HAPLN1: variants seen among roughly 807,000 people sequenced by gnomAD.
HAPLN1 encodes the protein hyaluronan and proteoglycan link protein 1, also known as Cartilage link protein.
HAPLN1 carries 13 observed loss-of-function variants against 36.5 expected under a neutral mutation model. The ratio of observed to expected loss-of-function variants is 0.36; its 90% CI spans 0.23 to 0.57. The LOEUF (loss-of-function observed/expected upper bound fraction) is 0.57, where lower values mean the gene tolerates loss of function less well. HAPLN1 is among the 20% of genes least tolerant of loss of function. HAPLN1 has a pLI of 0.83. For synonymous variants in HAPLN1, 202 were observed against 169.8 expected, an observed-to-expected ratio of 1.19 and a Z score of -1.48; for missense variants, 407 against 439.7, an observed-to-expected ratio of 0.93 and a Z score of 0.66.
rs143718340 is a variant in HAPLN1 at position 83,654,434 on chromosome 5, C to T, written c.101-1610G>A. Among the ~76,000 whole-genome samples, 1,011 of 152,188 alleles carry T rather than the reference C, an allele frequency of 6.6e-3. 14 individuals carry two copies. Among genetic ancestry groups the T allele is most frequent in the African/African-American group, 0.023 (963 of 41,502 alleles). ...AAAACATAACTCTATGTAATTCTAC[C>T]CTACATATAAGTTTTTCCTTACAAT... On this transcript the variant is annotated intron_variant, in intron 2 of 4. Coordinates refer to ENST00000274341, the MANE Select transcript of HAPLN1 (RefSeq NM_001884.4).
intron 2 of HAPLN1, among the ~76,000 whole-genome samples, chr5:83,656,181 A>G (rs759898437): frequency 5.3e-5 from 8 of 151,962 alleles, no homozygotes; most frequent in Non-Finnish European, 1.2e-4. Flanking sequence ...TACAAAAATT[A>G]GACAGGCATG....
intron 1 of HAPLN1, among the ~76,000 whole-genome samples, chr5:83,681,296 C>T (rs1580146386): frequency 6.6e-6 from 1 of 152,026 alleles, no homozygotes; most frequent in Non-Finnish European, 1.5e-5. Flanking sequence ...TAGAAGGAAC[C>T]TAAACGGAGG....
intron 2 of HAPLN1, among the ~76,000 whole-genome samples, chr5:83,666,505 A>G (rs181646412): frequency 2.0e-5 from 3 of 152,268 alleles, no homozygotes; most frequent in African/African-American, 7.2e-5. Context: ...TGCAAAGATT[A>G]TTCAATATAA....
intron 1 of HAPLN1, among the ~76,000 whole-genome samples, chr5:83,695,525 A>G (rs1018758873): frequency 4.7e-5 from 7 of 150,502 alleles, no homozygotes; most frequent in Non-Finnish European, 7.4e-5. Flanking sequence ...ATATATATAT[A>G]CATATTTAGT....
intron 1 of HAPLN1, among the ~76,000 whole-genome samples, chr5:83,685,374 C>A (rs976091929): frequency 2.0e-5 from 3 of 152,170 alleles, no homozygotes; most frequent in Non-Finnish European, 4.4e-5. Context: ...CAGTATACAA[C>A]CTGCACAACC....
chr5:83,691,243 G>A (rs1214041092), intron 1 of HAPLN1, among the ~76,000 whole-genome samples: 1 of 151,966 alleles, frequency 6.6e-6, no homozygotes, highest in Non-Finnish European at 1.5e-5. Flanking sequence ...GGTTCCTAGA[G>A]GTTGCAAGGC....
At chr5:83,655,905 T>C (rs964927577) in intron 2 of HAPLN1, among the ~76,000 whole-genome samples, 41 of 151,898 alleles carry the variant, frequency 2.7e-4, no homozygotes, top group Non-Finnish European at 5.3e-4. Context: ...ATGAAAGGAG[T>C]GAAGACAGAG....
intron 1 of HAPLN1, among the ~76,000 whole-genome samples, chr5:83,718,118 G>A (rs1186745297): frequency 6.6e-6 from 1 of 152,184 alleles, no homozygotes; most frequent in Non-Finnish European, 1.5e-5. Flanking sequence ...TATTAGAAGT[G>A]AGTTGCAGTT....
chr5:83,693,015 C>G (rs1751315724), intron 1 of HAPLN1, among the ~76,000 whole-genome samples: 1 of 151,768 alleles, frequency 6.6e-6, no homozygotes, highest in Non-Finnish European at 1.5e-5. Context: ...GTGTTTTTTC[C>G]TCTGCACACA....
chr5:83,699,469 A>G (rs1378535375), intron 1 of HAPLN1, among the ~76,000 whole-genome samples: 2 of 152,202 alleles, frequency 1.3e-5, no homozygotes, highest in African/African-American at 4.8e-5. Flanking sequence ...TGCTACTGAG[A>G]GATCTTTAAT....
At chr5:83,655,646 A>G (rs1433085832) in intron 2 of HAPLN1, among the ~76,000 whole-genome samples, 1 of 152,124 alleles carries the variant, frequency 6.6e-6, no homozygotes, top group Non-Finnish European at 1.5e-5. Context: ...TCCTTAGGCT[A>G]AACCTCCAAC....
intron 1 of HAPLN1, among the ~76,000 whole-genome samples, chr5:83,716,848 A>G (rs1377530082): frequency 1.3e-5 from 2 of 152,172 alleles, no homozygotes; most frequent in Non-Finnish European, 2.9e-5. Context: ...CCTGGCCAAC[A>G]TGGTGAAACC....
intron 2 of HAPLN1, among the ~76,000 whole-genome samples, chr5:83,661,363 T>G (rs921471278): frequency 6.6e-6 from 1 of 151,902 alleles, no homozygotes; most frequent in Non-Finnish European, 1.5e-5. Flanking sequence ...TGTGTATATT[T>G]GCAGTTGCCA....
At chr5:83,697,380 T>C (rs1433919378) in intron 1 of HAPLN1, among the ~76,000 whole-genome samples, 6 of 152,192 alleles carry the variant, frequency 3.9e-5, no homozygotes, top group African/African-American at 1.2e-4. Flanking sequence ...TCATTCTTTT[T>C]ATGTGTGAAT....
At chr5:83,679,085 T>C (rs1750933528) in intron 1 of HAPLN1, among the ~76,000 whole-genome samples, 1 of 152,208 alleles carries the variant, frequency 6.6e-6, no homozygotes, top group South Asian at 2.1e-4. Context: ...TATAAGGACA[T>C]ATATTTCAGT....
intron 1 of HAPLN1, chr5:83,674,651 T>C (rs1750819224): frequency 6.6e-6 from 1 of 152,204 alleles, no homozygotes; most frequent in African/African-American, 2.4e-5. Context: ...GCCTTGACAA[T>C]ACCGGCTATT....
rs1172360524 is a variant in HAPLN1 at position 83,640,382 on chromosome 5, TG to T, written c.*1113del. 6.6e-6 allele frequency: 1 copy of T among 152,110 alleles called. No homozygotes were observed. The highest frequency in any genetic ancestry group is 1.5e-5 in the Non-Finnish European group (1 of 67,984). The allele number at this position is 152,110 out of a possible 1,614,324, so 9.4% of individuals were successfully genotyped here. On this transcript the variant is annotated 3_prime_UTR_variant, in exon 5 of 5. Transcript: ENST00000274341. ...GACATCATTAACCACATTTTCTGTT[TG>T]GGATAAGGTTTAGAACTACACTGTT...
Position 83,640,997 on chromosome 5 carries a change from A to AAGGTAT in HAPLN1, c.*493_*498dup, listed in dbSNP as rs1314334291. On this transcript the variant is annotated 3_prime_UTR_variant, in exon 5 of 5. Coordinates refer to ENST00000274341, the MANE Select transcript of HAPLN1 (RefSeq NM_001884.4). ...GAGACTTGAAATATTAACTTTTAGAAAGGTATAGATTGTTCCCTTGTGAAA... is the reference window on the plus strand; with the variant it reads ...GAGACTTGAAATATTAACTTTTAGAAAGGTATAGGTATAGATTGTTCCCTTGTGAAA... 2.0e-5 allele frequency: 3 copies of AAGGTAT among 152,232 alleles called. No homozygotes were observed. The highest frequency in any genetic ancestry group is 2.9e-5 in the Non-Finnish European group (2 of 67,978). 9.4% of individuals were successfully genotyped at this position (152,232 alleles called of 1,614,324 possible).
At chr5:83,678,220 GGTGTGT>G (rs56962854) in intron 1 of HAPLN1, among the ~76,000 whole-genome samples, 10 of 142,638 alleles carry the variant, frequency 7.0e-5, no homozygotes, top group African/African-American at 2.0e-4. Context: ...CTATAGTTTG[GGTGTGT>G]GTGTGTGTGT....
Sources: gnomAD v4.1 joint callset for allele counts (sites outside exome capture counted in the v4.1 genomes callset) on GRCh38, gnomAD v4.1.1 for gene constraint, MANE v1.5 for transcripts, NCBI Gene and HGNC (gene_info 2026-07-23, HGNC 2026-07-21) for gene names.